Variants in DYRK3 observed in about 807,000 individuals in gnomAD.
The protein encoded by DYRK3 is dual specificity tyrosine phosphorylation regulated kinase 3, also known as dual specificity tyrosine-phosphorylation-regulated kinase 3.
Under a neutral mutation model 40.8 loss-of-function variants are expected in DYRK3, and 30 were observed. The ratio of observed to expected loss-of-function variants is 0.74; its 90% CI spans 0.55 to 1.00. DYRK3 has a LOEUF of 1.00. Ranked by LOEUF, DYRK3 falls within the 50% of genes least tolerant of loss-of-function variation. DYRK3 has a pLI of 0.00. For synonymous variants in DYRK3, 272 were observed against 260.7 expected (o/e 1.04, Z -0.42); for missense variants, 699 against 731.5 (o/e 0.96, Z 0.51).
At chr1:206,643,007 T>A (rs1671335214) in intron 2 of DYRK3, among the ~76,000 whole-genome samples, 1 of 152,096 alleles carries the variant, frequency 6.6e-6, no homozygotes, top group Non-Finnish European at 1.5e-5. Flanking sequence ...ATTCTCCAGA[T>A]TCACTGGAGA....
Position 206,648,128 on chromosome 1 carries a change from G to C in DYRK3, c.930G>C (p.Gln310His). The change falls in exon 3 of 3, where the codon CAG becomes CAC. Residue 310 changes from glutamine to histidine, a missense_variant. By Grantham distance (24) the Gln-to-His change is conservative (BLOSUM62 0). Coordinates refer to ENST00000367109, the MANE Select transcript of DYRK3 (RefSeq NM_003582.4). ...KKNKFQGFSV[Q>H]LVRKFAQSIL... is the part of the protein sequence containing the mutation. ...ATAAGTTTCAGGGTTTTAGCGTCCA[G>C]TTGGTACGCAAGTTTGCCCAGTCCA... The C allele has an allele frequency of 3.1e-6, 5 of 1,614,144 alleles. No homozygotes were observed. The highest frequency in any genetic ancestry group is 4.2e-6 in the Non-Finnish European group (5 of 1,180,012).
At chr1:206,635,880 G>C in intron 1 of DYRK3, 100 bp downstream of exon 1, 3 of 1,262,642 alleles carry the variant, frequency 2.4e-6, no homozygotes, top group Non-Finnish European at 3.0e-6. Context: ...TGAGCCCTCA[G>C]TAGGAGGGAC....
rs1353250654 is a variant in DYRK3 at position 206,651,484 on chromosome 1, G to A, written c.*2519G>A. On this transcript the variant is annotated 3_prime_UTR_variant, in exon 3 of 3. Transcript: ENST00000367109. ...CTCCAGGAAGTAGTACAGCATGATT[G>A]AATCCTTCTTCAGTGAATCTTTTCA... 6.6e-6 allele frequency among the ~76,000 whole-genome samples: 1 copy of A among 152,170 alleles called. No homozygotes were observed. Among genetic ancestry groups the A allele is most frequent in the Non-Finnish European group, 1.5e-5 (1 of 68,026 alleles).
chr1:206,640,820 G>C (rs2102334000), intron 2 of DYRK3, among the ~76,000 whole-genome samples: 1 of 152,102 alleles, frequency 6.6e-6, no homozygotes, highest in East Asian at 1.9e-4. Context: ...AAAGTGCTGG[G>C]ATTACAGGCG....
Position 206,645,563 on chromosome 1 carries a change from G to A in DYRK3, c.190-1825G>A, listed in dbSNP as rs550433575. The stretch of plus-strand genomic sequence containing the variant: ...GTCTCTCACTCTGTTGCCAAGGCTG[G>A]AATGCAGTAGCGTGATCTTGGCTCA... On this transcript the variant is annotated intron_variant, in intron 2 of 2. Coordinates refer to ENST00000367109, the MANE Select transcript of DYRK3 (RefSeq NM_003582.4). Among the ~76,000 whole-genome samples, 23 of 152,052 alleles carry A rather than the reference G, an allele frequency of 1.5e-4. No individual in the cohort carries two copies. In the East Asian group the frequency reaches 4.4e-3, roughly 29 times the overall value.
intron 2 of DYRK3, 111 bp from the exon 3 acceptor site, chr1:206,647,276 AC>A: frequency 1.2e-5 from 13 of 1,124,974 alleles, no homozygotes; most frequent in Non-Finnish European, 1.6e-5. Context: ...GGTCATTTTA[AC>A]CTTAAAGTAA....
rs1261895280 is a variant in DYRK3, at chr1:206,651,114, G to A, written c.*2149G>A. The stretch of plus-strand genomic sequence containing the variant: ...CTGTGTGAAATTAGTCTGGTTATTG[G>A]TTTTCTTGTCTGATAGTGGCATCTT... On this transcript the variant is annotated 3_prime_UTR_variant, in exon 3 of 3. Coordinates refer to ENST00000367109, the MANE Select transcript of DYRK3 (RefSeq NM_003582.4). 5.3e-5 allele frequency among the ~76,000 whole-genome samples: 8 copies of A among 152,074 alleles called. No individual in the cohort carries two copies. Among genetic ancestry groups the A allele is most frequent in the African/African-American group, 1.9e-4 (8 of 41,386 alleles).
At position 206,652,496 on chromosome 1, in the gene DYRK3, C is replaced by G. The variant is rs1671657734; in HGVS notation, c.*3531C>G. ...GAAAGTGTATAGACAACTCATTACACTGTAGACAGATTTTAGAAAGCTACA... is the reference window on the plus strand; with the variant it reads ...GAAAGTGTATAGACAACTCATTACAGTGTAGACAGATTTTAGAAAGCTACA... On this transcript the variant is annotated 3_prime_UTR_variant, in exon 3 of 3. Coordinates refer to ENST00000367109, the MANE Select transcript of DYRK3 (RefSeq NM_003582.4). Among the ~76,000 whole-genome samples the G allele has an allele frequency of 6.6e-6, 1 of 152,204 alleles. No individual in the cohort carries two copies. Among genetic ancestry groups the G allele is most frequent in the South Asian group, 2.1e-4 (1 of 4,828 alleles).
At position 206,647,819 on chromosome 1, in the gene DYRK3, T is replaced by C. The variant is rs1278274458; in HGVS notation, c.621T>C (p.Tyr207=). 1.6e-5 allele frequency: 26 copies of C among 1,613,972 alleles called. No individual in the cohort carries two copies. The East Asian group carries it at 5.8e-4, about 36-fold the overall frequency. ...ATGTACCTCGAGACCATCTAGCTTA[T>C]CGATATGAGGTGCTGAAAATTATTG... is the stretch of plus-strand genomic sequence containing the variant. ...YIHVPRDHLA[Y]RYEVLKIIGK... is the part of the protein sequence containing the mutation. Residue 207 remains tyrosine, a synonymous_variant, in exon 3 of 3, where the codon TAT becomes TAC. Transcript: ENST00000367109.
At chr1:206,644,613 C>T (rs1024911132) in intron 2 of DYRK3, among the ~76,000 whole-genome samples, 13 of 152,164 alleles carry the variant, frequency 8.5e-5, no homozygotes, top group Admixed American at 2.0e-4. Flanking sequence ...GATCTCAGCT[C>T]ACTGCAACCT....
At chr1:206,642,743 C>G (rs562914371) in intron 2 of DYRK3, among the ~76,000 whole-genome samples, 1 of 151,748 alleles carries the variant, frequency 6.6e-6, no homozygotes, top group Non-Finnish European at 1.5e-5. Flanking sequence ...CACTTGGACA[C>G]GGTGGGGAAC....
intron 2 of DYRK3, 119 bp downstream of exon 2, chr1:206,637,880 G>T (rs1002597011): frequency 9.2e-5 from 61 of 664,750 alleles, no homozygotes; most frequent in African/African-American, 7.5e-4. Flanking sequence ...GTTTATTTTT[G>T]ATTTCTCTTG....
chr1:206,648,745 CATTAAGACACCCTTGG>C lies in DYRK3; in HGVS notation c.1552_1567del (p.Arg518AlafsTer11). On this transcript the variant is annotated frameshift_variant, in exon 3 of 3. Transcript: ENST00000367109. LOFTEE classifies it high-confidence loss of function. ...TCTGCCCGCTTGACCCCAGCTCAAG[CATTAAGACACCCTTGG>C]ATTAGCAAGTCTGTCCCCAGACCTC... The C allele has an allele frequency of 6.2e-7, 1 of 1,614,074 alleles. No individual in the cohort carries two copies. The highest frequency in any genetic ancestry group is 8.5e-7 in the Non-Finnish European group (1 of 1,179,960).
Position 206,647,742 on chromosome 1 carries a change from AT to A in DYRK3, c.546del (p.Ile182MetfsTer24), listed in dbSNP as rs1671497126. 6.2e-7 allele frequency: 1 copy of A among 1,614,062 alleles called. No individual in the cohort carries two copies. The highest frequency in any genetic ancestry group is 1.3e-5 in the African/African-American group (1 of 74,916). ...AAATGCCAAGAAAAGACATGGAGTT[AT>A]TGGTGGTCCCAATAATGGAGGGTAT... ...GPNAKKRHGV[I>X]GGPNNGGYDD... is the part of the protein sequence containing the mutation. On this transcript the variant is annotated frameshift_variant, in exon 3 of 3. Coordinates refer to ENST00000367109, the MANE Select transcript of DYRK3 (RefSeq NM_003582.4). LOFTEE classifies it high-confidence loss of function.
At chr1:206,644,506 G>A (rs529867780) in intron 2 of DYRK3, among the ~76,000 whole-genome samples, 4 of 152,258 alleles carry the variant, frequency 2.6e-5, no homozygotes, top group African/African-American at 4.8e-5. Flanking sequence ...GTTTGTTTTT[G>A]TTATGTAAAT....
chr1:206,636,204 G>T (rs1671103666), intron 1 of DYRK3: 6 of 587,796 alleles, frequency 1.0e-5, no homozygotes, highest in South Asian at 8.6e-5. Context: ...TGAGGGGTGC[G>T]GTCTAGCTTC....
intron 2 of DYRK3, among the ~76,000 whole-genome samples, chr1:206,646,056 G>A (rs1313249043): frequency 1.3e-5 from 2 of 152,096 alleles, no homozygotes; most frequent in East Asian, 3.9e-4. Flanking sequence ...CACCATGTTG[G>A]CCAAGCTGGT....
chr1:206,637,555 A>G (rs1553418552), intron 1 of DYRK3, 95 bp from the exon 2 acceptor site: 2 of 792,666 alleles, frequency 2.5e-6, no homozygotes, highest in Non-Finnish European at 4.1e-6. Flanking sequence ...ATTTATTTCT[A>G]TTACTGTTCC....
Position 206,648,815 on chromosome 1 carries a change from A to G in DYRK3, c.1617A>G (p.Lys539=), listed in dbSNP as rs782636886. 2 of 1,614,202 alleles carry G rather than the reference A, an allele frequency of 1.2e-6. No individual in the cohort carries two copies. The highest frequency in any genetic ancestry group is 1.1e-5 in the South Asian group (1 of 91,084). Residue 539 remains lysine (K), a synonymous_variant, in exon 3 of 3, where the codon AAA becomes AAG. Transcript: ENST00000367109. ...CCACCATAGACAAGGTGTCAGGGAA[A>G]CGGGTAGTTAATCCTGCAAGTGCTT... ...PLTTIDKVSG[K]RVVNPASAFQ...
Sources: gnomAD v4.1 joint callset for allele counts (sites outside exome capture counted in the v4.1 genomes callset) on GRCh38, gnomAD v4.1.1 for gene constraint, MANE v1.5 for transcripts, NCBI Gene and HGNC (gene_info 2026-07-23, HGNC 2026-07-21) for gene names.